The following ATP6V1E2 variants were observed in gnomAD, a reference collection of about 807,000 sequenced individuals.
The protein encoded by ATP6V1E2 is ATPase H+ transporting V1 subunit E2.
For missense variants in ATP6V1E2, 308 were observed against 273.3 expected (o/e 1.13, Z -0.90); for synonymous variants, 121 against 104.2 (o/e 1.16, Z -0.98).
rs543375664 is a variant in ATP6V1E2 at position 46,535,377 on chromosome 2, C to T, written c.-102+436G>A. On this transcript the variant is annotated intron_variant, in intron 4 of 4. Coordinates refer to ENST00000522587, the MANE Select transcript of ATP6V1E2 (RefSeq NM_001318063.2). The surrounding 1 kb of genome is among the most constrained non-coding windows in gnomAD (Gnocchi z 4.4). The stretch of plus-strand genomic sequence containing the variant: ...TCTCAGGAGCCTGGGTTGCAAGCAA[C>T]AGAAGCTGTTTGTGGCTGATTAAAC... The T allele has an allele frequency of 1.1e-3, 172 of 152,226 alleles. No homozygotes were observed. Among genetic ancestry groups the T allele is most frequent in the African/African-American group, 3.9e-3 (163 of 41,508 alleles). 9.4% of individuals were successfully genotyped at this position (152,226 alleles called of 1,614,324 possible).
intron 4 of ATP6V1E2, among the ~76,000 whole-genome samples, chr2:46,524,963 C>T (rs551327748): frequency 6.6e-6 from 1 of 152,206 alleles, no homozygotes; most frequent in South Asian, 2.1e-4. Context: ...CAAACCTGGA[C>T]TCAGGAAGAT....
At chr2:46,538,135 T>C (rs148396547) in intron 2 of ATP6V1E2, among the ~76,000 whole-genome samples, 227 of 152,252 alleles carry the variant, frequency 1.5e-3, no homozygotes, top group Non-Finnish European at 2.3e-3. Flanking sequence ...TGCCTCCTCT[T>C]CATGTTCACT....
At chr2:46,518,490 A>C (rs1376561415) in intron 4 of ATP6V1E2, among the ~76,000 whole-genome samples, 2 of 141,014 alleles carry the variant, frequency 1.4e-5, no homozygotes, top group East Asian at 2.1e-4. Flanking sequence ...ACACACACAC[A>C]ACACACACAC....
intron 4 of ATP6V1E2, among the ~76,000 whole-genome samples, chr2:46,523,911 C>T (rs1180808932): frequency 6.6e-6 from 1 of 152,072 alleles, no homozygotes; most frequent in Non-Finnish European, 1.5e-5. Flanking sequence ...ATTCCTTGAG[C>T]AGTGGTTTGT....
chr2:46,533,366 G>T (rs1011484359), intron 4 of ATP6V1E2, among the ~76,000 whole-genome samples: 1 of 151,942 alleles, frequency 6.6e-6, no homozygotes, highest in African/African-American at 2.4e-5. Context: ...TTGAACTCCT[G>T]GGCTCAAGTG....
chr2:46,524,143 G>C (rs1666775157), intron 4 of ATP6V1E2, among the ~76,000 whole-genome samples: 1 of 151,202 alleles, frequency 6.6e-6, no homozygotes, highest in Admixed American at 6.6e-5. Context: ...GAGATGATGG[G>C]GTTTTGTAAA....
At chr2:46,536,759 T>C (rs35178974) in intron 2 of ATP6V1E2, 56 bp from the exon 3 acceptor site, 31,710 of 152,104 alleles carry the variant, frequency 0.21, 4,011 homozygotes, top group Admixed American at 0.29. Context: ...CTTCCTCTCC[T>C]CTTAACATTT....
chr2:46,525,420 C>G (rs1215890333), intron 4 of ATP6V1E2, among the ~76,000 whole-genome samples: 1 of 147,208 alleles, frequency 6.8e-6, no homozygotes, highest in African/African-American at 2.5e-5. Context: ...CGAGATCGCG[C>G]CACAGCACTC....
At chr2:46,531,163 C>T (rs961236871) in intron 4 of ATP6V1E2, among the ~76,000 whole-genome samples, 8 of 152,226 alleles carry the variant, frequency 5.3e-5, no homozygotes, top group African/African-American at 1.9e-4. Context: ...ATTCATTAAG[C>T]AGTTGCTCCT....
intron 1 of ATP6V1E2, 165 bp downstream of exon 1, chr2:46,542,052 T>C (rs1335262747): frequency 2.0e-5 from 3 of 152,032 alleles, no homozygotes; most frequent in African/African-American, 7.2e-5. Context: ...ACACGCTGTA[T>C]CTCCCTTAGT....
intron 2 of ATP6V1E2, among the ~76,000 whole-genome samples, chr2:46,540,890 T>C (rs890202996): frequency 3.3e-5 from 5 of 152,186 alleles, no homozygotes; most frequent in African/African-American, 1.2e-4. Context: ...GCATGATTCA[T>C]CGGACATCAG....
intron 4 of ATP6V1E2, among the ~76,000 whole-genome samples, chr2:46,520,958 T>C (rs1486153534): frequency 2.0e-5 from 3 of 151,922 alleles, no homozygotes; most frequent in Admixed American, 6.6e-5. Context: ...ACGAGGCAAA[T>C]ATCCTGTAAC....
chr2:46,532,488 G>A lies in ATP6V1E2; in HGVS notation c.-102+3325C>T, dbSNP rs1329363695. 3.9e-5 allele frequency among the ~76,000 whole-genome samples: 6 copies of A among 152,088 alleles called. No homozygotes were observed. The East Asian group carries it at 9.6e-4, about 24-fold the overall frequency. ...GTTTTCTTAGTCTACCTTTGTTATA[G>A]TTTGAATGTATGTGTCCTTCCAAAA... On this transcript the variant is annotated intron_variant, in intron 4 of 4. Coordinates refer to ENST00000522587, the MANE Select transcript of ATP6V1E2 (RefSeq NM_001318063.2).
intron 4 of ATP6V1E2, among the ~76,000 whole-genome samples, chr2:46,515,288 C>A (rs1687662364): frequency 6.6e-6 from 1 of 151,898 alleles, no homozygotes; most frequent in South Asian, 2.1e-4. Flanking sequence ...AGTTAAAAGG[C>A]AAAAGTATAA....
intron 2 of ATP6V1E2, among the ~76,000 whole-genome samples, chr2:46,540,277 C>T (rs1436334724): frequency 6.6e-6 from 1 of 151,952 alleles, no homozygotes; most frequent in Non-Finnish European, 1.5e-5. Context: ...CAAAAATTAG[C>T]TAGGCATGAT....
chr2:46,529,481 G>A (rs1231860981), intron 4 of ATP6V1E2, among the ~76,000 whole-genome samples: 6 of 152,236 alleles, frequency 3.9e-5, no homozygotes, highest in African/African-American at 1.2e-4. Context: ...TTGGCTGGGT[G>A]TGGTGGCTCA....
rs193193500 is a variant in ATP6V1E2 at position 46,513,092 on chromosome 2, T to C, written c.-101-280A>G. Among the ~76,000 whole-genome samples the C allele has an allele frequency of 2.4e-4, 36 of 152,314 alleles. 1 individual carries two copies. In the East Asian group the frequency reaches 5.0e-3, roughly 21 times the overall value. On this transcript the variant is annotated intron_variant, in intron 4 of 4. Coordinates refer to ENST00000522587, the MANE Select transcript of ATP6V1E2 (RefSeq NM_001318063.2). ...ACACAGCAGTGGCCTAAGACTCAGA[T>C]AGCAAGCCAACAGAATGGAAACACC...
At chr2:46,534,001 ACTT>A in intron 4 of ATP6V1E2, among the ~76,000 whole-genome samples, 1 of 151,954 alleles carries the variant, frequency 6.6e-6, no homozygotes, top group South Asian at 2.1e-4. Context: ...ATTTTTTTCT[ACTT>A]ATTACTGGTT....
intron 4 of ATP6V1E2, among the ~76,000 whole-genome samples, chr2:46,518,758 T>TTGTGTGTGTGTGTGTGTGTGTG (rs70940621): frequency 2.8e-5 from 4 of 140,716 alleles, no homozygotes; most frequent in Non-Finnish European, 4.6e-5. Flanking sequence ...CAAGTCAATT[T>TTGTGTGTGTGTGTGTGTGTGTG]TGTGTGTGTG....
Sources: gnomAD v4.1 joint callset for allele counts (sites outside exome capture counted in the v4.1 genomes callset) on GRCh38, gnomAD v4.1.1 for gene constraint, Gnocchi (gnomAD v3.1) non-coding constraint, MANE v1.5 for transcripts, NCBI Gene and HGNC (gene_info 2026-07-23, HGNC 2026-07-21) for gene names.